The following CCDC7 variants were observed in gnomAD, a reference collection of about 807,000 sequenced individuals.
The protein encoded by CCDC7 is coiled-coil domain-containing protein 7.
In CCDC7, 183 loss-of-function variants were observed where a neutral mutation model predicts 196.9. That is an observed-to-expected ratio of 0.93 (90% CI 0.82 to 1.05). The LOEUF (loss-of-function observed/expected upper bound fraction) is 1.05. CCDC7 is among the 50% of genes least tolerant of loss of function. The probability of loss-of-function intolerance (pLI) is 0.00; values close to 1 mark genes in which losing one functional copy is unlikely to be tolerated. For synonymous variants in CCDC7, 525 were observed against 484.6 expected (o/e 1.08, Z -1.10); for missense variants, 1,540 against 1,482.2 (o/e 1.04, Z -0.64).
intron 23 of CCDC7, among the ~76,000 whole-genome samples, chr10:32,692,462 G>C (rs1565161017): frequency 6.6e-6 from 1 of 152,174 alleles, no homozygotes; most frequent in Non-Finnish European, 1.5e-5. Flanking sequence ...CTTTCTAAGA[G>C]ATGATTGATT....
chr10:32,731,563 G>C (rs1397055219), intron 28 of CCDC7, among the ~76,000 whole-genome samples: 4 of 152,100 alleles, frequency 2.6e-5, no homozygotes, highest in African/African-American at 9.7e-5. Context: ...TTTTTAAAAT[G>C]TGAATACACT....
At position 32,789,538 on chromosome 10, in the gene CCDC7, G is replaced by GA. The variant is rs1188941560; in HGVS notation, c.3013+10461dup. 4.3e-5 allele frequency among the ~76,000 whole-genome samples: 6 copies of GA among 139,676 alleles called. No individual in the cohort carries two copies. In the East Asian group the frequency reaches 8.3e-4, roughly 19 times the overall value. The allele number at this position is 139,676 out of a possible 152,430, so 91.6% of individuals were successfully genotyped here. The stretch of plus-strand genomic sequence containing the variant: ...CACAGATCATTTGAAATTACCCAGA[G>GA]AAAAAAAGAAAATAAAAAAGTAAAA... On this transcript the variant is annotated intron_variant, in intron 29 of 41. Coordinates refer to ENST00000639629, the Ensembl canonical transcript of CCDC7.
rs753769301 is a variant in CCDC7, at chr10:32,640,864, C to CTTTTTTTTTTTTTTTTTTT, written c.2014+5717_2014+5718insTTTTTTTTTTTTTTTTTTT. 4.7e-4 allele frequency among the ~76,000 whole-genome samples: 35 copies of CTTTTTTTTTTTTTTTTTTT among 74,538 alleles called. 2 individuals are homozygous for CTTTTTTTTTTTTTTTTTTT. The highest frequency in any genetic ancestry group is 7.3e-4 in the Non-Finnish European group (24 of 32,718). The allele number at this position is 74,538 out of a possible 152,430, so 48.9% of individuals were successfully genotyped here. On this transcript the variant is annotated intron_variant, in intron 20 of 41. Transcript: ENST00000639629. The stretch of plus-strand genomic sequence containing the variant: ...CAGTCTCTTCTGGCTTGTAGATTTT[C>CTTTTTTTTTTTTTTTTTTT]TTTTTTTTTTTCTTTTTTTTTTTAT...
chr10:32,752,853 C>T (rs2075869070), intron 28 of CCDC7, among the ~76,000 whole-genome samples: 1 of 152,020 alleles, frequency 6.6e-6, no homozygotes, highest in African/African-American at 2.4e-5. Context: ...CTTAACTTTC[C>T]ATATTTGTTA....
At chr10:32,471,350 A>G (rs2037909707) in intron 6 of CCDC7, 120 bp downstream of exon 7, 1 of 1,196,528 alleles carries the variant, frequency 8.4e-7, no homozygotes, top group Non-Finnish European at 1.1e-6. Flanking sequence ...TAGTCAAATC[A>G]GGTCTAGTCA....
chr10:32,792,486 C>G (rs944393180), intron 29 of CCDC7, among the ~76,000 whole-genome samples: 2 of 152,126 alleles, frequency 1.3e-5, no homozygotes, highest in Non-Finnish European at 2.9e-5. Flanking sequence ...AAGTTGTTAT[C>G]AGCTTAAATT....
exon 30 of CCDC7, chr10:32,805,020 G>A (rs370859338): frequency 6.3e-7 from 1 of 1,598,350 alleles, no homozygotes; most frequent in Admixed American, 1.7e-5. Context: ...TATAGAGACT[G>A]ATATAGAAAG....
At chr10:32,748,022 C>T (rs1288646781) in intron 28 of CCDC7, among the ~76,000 whole-genome samples, 6 of 152,166 alleles carry the variant, frequency 3.9e-5, no homozygotes, top group Non-Finnish European at 7.3e-5. Flanking sequence ...TCATAGAATA[C>T]TATGCAGCCA....
intron 18 of CCDC7, among the ~76,000 whole-genome samples, chr10:32,633,997 A>C (rs2065255421): frequency 6.6e-6 from 1 of 151,892 alleles, no homozygotes; most frequent in Non-Finnish European, 1.5e-5. Context: ...GTAGCATTCT[A>C]GATATGCATT....
At chr10:32,817,066 G>C (rs1296483303) in intron 31 of CCDC7, among the ~76,000 whole-genome samples, 1 of 152,044 alleles carries the variant, frequency 6.6e-6, no homozygotes, top group Non-Finnish European at 1.5e-5. Flanking sequence ...CGAACCCATG[G>C]CGAAGAAGTT....
intron 33 of CCDC7, among the ~76,000 whole-genome samples, chr10:32,842,167 C>A (rs1340524091): frequency 1.3e-5 from 2 of 151,848 alleles, no homozygotes; most frequent in Non-Finnish European, 2.9e-5. Flanking sequence ...ACAGACAACC[C>A]TCAGAGTGGC....
chr10:32,595,686 AT>A (rs1480833011), intron 18 of CCDC7, among the ~76,000 whole-genome samples: 2 of 152,204 alleles, frequency 1.3e-5, no homozygotes, highest in African/African-American at 2.4e-5. Flanking sequence ...ATTTAGTGCT[AT>A]AAATTTTTCT....
At chr10:32,443,676 G>A (rs1052897648), upstream of CCDC7, among the ~76,000 whole-genome samples, 5 of 151,998 alleles carry the variant, frequency 3.3e-5, no homozygotes, top group East Asian at 1.9e-4. Context: ...GTCTAACTTC[G>A]TGTAATATAC....
At chr10:32,846,501 T>G (rs73264307) in intron 37 of CCDC7, 42 bp downstream of exon 38, 1 of 1,253,152 alleles carries the variant, frequency 8.0e-7, no homozygotes, top group South Asian at 1.3e-5. Context: ...GTGACCTATT[T>G]ATGTTCCCTG....
chr10:32,586,847 T>C (rs1330012629), intron 18 of CCDC7, among the ~76,000 whole-genome samples: 1 of 152,178 alleles, frequency 6.6e-6, no homozygotes, highest in African/African-American at 2.4e-5. Flanking sequence ...AGGATTGGCA[T>C]TGACCTAAAC....
At chr10:32,695,101 A>T (rs938076999) in intron 24 of CCDC7, 109 bp downstream of exon 25, 11 of 499,126 alleles carry the variant, frequency 2.2e-5, no homozygotes, top group Non-Finnish European at 3.8e-5. Context: ...TGGAAATTTT[A>T]TACTTTACAG....
intron 13 of CCDC7, among the ~76,000 whole-genome samples, chr10:32,553,618 G>T (rs527444938): frequency 6.6e-6 from 1 of 152,136 alleles, no homozygotes; most frequent in African/African-American, 2.4e-5. Flanking sequence ...TTCCCTTGAT[G>T]TAGTACTCTC....
intron 20 of CCDC7, among the ~76,000 whole-genome samples, chr10:32,637,936 G>A (rs916454872): frequency 9.2e-5 from 14 of 152,174 alleles, no homozygotes; most frequent in Admixed American, 6.5e-5. Context: ...TCCTTGAAGA[G>A]GTCCTTCACA....
intron 18 of CCDC7, among the ~76,000 whole-genome samples, chr10:32,594,410 A>G (rs1347078201): frequency 1.3e-5 from 2 of 152,192 alleles, no homozygotes; most frequent in African/African-American, 4.8e-5. Flanking sequence ...GTATCCTGAG[A>G]CTTTGCTGAA....
Sources: allele counts gnomAD v4.1 joint callset (sites outside exome capture counted in the v4.1 genomes callset), GRCh38; gene constraint gnomAD v4.1.1; transcripts MANE v1.5; gene names NCBI Gene and HGNC (gene_info 2026-07-23, HGNC 2026-07-21).